PCDH15: variants seen among roughly 807,000 people sequenced by gnomAD.
PCDH15 encodes the protein protocadherin related 15, also known as protocadherin-15.
Under a neutral mutation model 178.5 loss-of-function variants are expected in PCDH15, and 129 were observed. The observed-to-expected ratio is 0.72, with a 90% CI of 0.63 to 0.84. PCDH15 has a LOEUF of 0.84. PCDH15 is among the 40% of genes least tolerant of loss of function. The probability of loss-of-function intolerance (pLI) is 0.00; values close to 1 mark genes in which losing one functional copy is unlikely to be tolerated. For synonymous variants in PCDH15, 800 were observed against 732.0 expected (o/e 1.09, Z -1.50); for missense variants, 2,230 against 2,099.9 (o/e 1.06, Z -1.21).
chr10:54,542,927 A>G (rs2085418305), intron 2 of PCDH15, among the ~76,000 whole-genome samples: 1 of 152,136 alleles, frequency 6.6e-6, no homozygotes, highest in Non-Finnish European at 1.5e-5. Context: ...AGATACAAAT[A>G]CAGGTGGATG....
intron 2 of PCDH15, among the ~76,000 whole-genome samples, chr10:55,013,628 C>G (rs974954807): frequency 6.6e-6 from 1 of 152,008 alleles, no homozygotes; most frequent in African/African-American, 2.4e-5. Context: ...TAATGTGCTT[C>G]CTTATATACC....
At chr10:54,525,220 G>A (rs12218773) in intron 3 of PCDH15, among the ~76,000 whole-genome samples, 13,922 of 152,166 alleles carry the variant, frequency 0.091, 943 homozygotes, top group East Asian at 0.35. Context: ...AGATTATTTA[G>A]CAATAGACAT....
chr10:54,243,970 G>A (rs1016456118), intron 8 of PCDH15, among the ~76,000 whole-genome samples: 9 of 152,088 alleles, frequency 5.9e-5, no homozygotes, highest in African/African-American at 2.2e-4. Context: ...TTCCTCAAAT[G>A]GTTTTGACAA....
At chr10:55,452,773 C>T (rs973361089) in intron 2 of PCDH15, among the ~76,000 whole-genome samples, 7 of 151,978 alleles carry the variant, frequency 4.6e-5, no homozygotes, top group African/African-American at 1.7e-4. Context: ...CACAAAAAAA[C>T]TAGTGTTGTT....
chr10:54,939,545 A>G (rs1167657248), intron 2 of PCDH15, among the ~76,000 whole-genome samples: 1 of 146,506 alleles, frequency 6.8e-6, no homozygotes, highest in Non-Finnish European at 1.5e-5. Context: ...ATTTGTAGGC[A>G]TTTGGTAGTT....
intron 3 of PCDH15, among the ~76,000 whole-genome samples, chr10:54,402,288 A>G (rs1370501559): frequency 6.6e-6 from 1 of 152,006 alleles, no homozygotes; most frequent in Admixed American, 6.6e-5. Flanking sequence ...GCTGACGGGA[A>G]GAAGAAGGCA....
chr10:54,706,473 T>C (rs936153227), intron 1 of PCDH15, among the ~76,000 whole-genome samples: 10 of 152,178 alleles, frequency 6.6e-5, no homozygotes, highest in Middle Eastern at 3.2e-3. Context: ...TCCTAGTAGA[T>C]AAAATTCCTT....
chr10:55,026,891 C>G (rs978377735), intron 2 of PCDH15, among the ~76,000 whole-genome samples: 1 of 151,926 alleles, frequency 6.6e-6, no homozygotes, highest in Non-Finnish European at 1.5e-5. Flanking sequence ...TGACATCTTA[C>G]TACTGCACAT....
chr10:54,676,993 T>C (rs955432313), intron 1 of PCDH15, among the ~76,000 whole-genome samples: 3 of 152,266 alleles, frequency 2.0e-5, no homozygotes, highest in South Asian at 2.1e-4. Context: ...GTTTTAATAA[T>C]GATAAAGGTA....
At chr10:55,123,979 C>T (rs1591920621) in intron 2 of PCDH15, among the ~76,000 whole-genome samples, 2 of 152,216 alleles carry the variant, frequency 1.3e-5, no homozygotes, top group South Asian at 4.1e-4. Context: ...GAACTGGTAA[C>T]CATAGCAGTG....
intron 1 of PCDH15, among the ~76,000 whole-genome samples, chr10:54,788,060 AG>A (rs1196529630): frequency 6.6e-6 from 1 of 151,828 alleles, no homozygotes; most frequent in African/African-American, 2.4e-5. Context: ...AAAAATAGGA[AG>A]GGTGACCATC....
At chr10:55,397,831 C>T (rs1313119955) in intron 2 of PCDH15, among the ~76,000 whole-genome samples, 1 of 151,978 alleles carries the variant, frequency 6.6e-6, no homozygotes, top group South Asian at 2.1e-4. Flanking sequence ...CCTCATGATC[C>T]GCCCGCCTCG....
intron 21 of PCDH15, chr10:53,995,406 T>G: frequency 1.8e-6 from 1 of 563,560 alleles, no homozygotes; most frequent in South Asian, 2.1e-5. Context: ...TTAGATAAAT[T>G]AGTAATTAGT....
chr10:55,472,600 G>A (rs944968802), intron 2 of PCDH15, among the ~76,000 whole-genome samples: 9 of 151,770 alleles, frequency 5.9e-5, no homozygotes, highest in South Asian at 2.1e-4. Context: ...ACGGAGTCTC[G>A]CTCTGTCGCC....
chr10:53,967,795 C>A (rs548082125), intron 21 of PCDH15, among the ~76,000 whole-genome samples: 1 of 152,082 alleles, frequency 6.6e-6, no homozygotes, highest in African/African-American at 2.4e-5. Context: ...GTATATTCTA[C>A]CGTATCTCTC....
chr10:54,205,933 T>C (rs1396934450), intron 10 of PCDH15, among the ~76,000 whole-genome samples: 1 of 152,096 alleles, frequency 6.6e-6, no homozygotes, highest in Non-Finnish European at 1.5e-5. Flanking sequence ...ATATTCTTGG[T>C]TGGAAACAAA....
intron 1 of PCDH15, among the ~76,000 whole-genome samples, chr10:54,712,466 G>A (rs1193177049): frequency 2.0e-5 from 3 of 151,934 alleles, no homozygotes; most frequent in Non-Finnish European, 2.9e-5. Context: ...GTCATTTGAA[G>A]CAGGATTGTG....
chr10:53,915,709 G>A (rs551218346), intron 25 of PCDH15, among the ~76,000 whole-genome samples: 15 of 152,082 alleles, frequency 9.9e-5, no homozygotes, highest in Admixed American at 6.5e-4. Flanking sequence ...ATAGGTGCCC[G>A]CCACCATGCC....
intron 1 of PCDH15, among the ~76,000 whole-genome samples, chr10:55,234,137 C>T (rs1363576904): frequency 6.6e-6 from 1 of 152,018 alleles, no homozygotes; most frequent in Non-Finnish European, 1.5e-5. Flanking sequence ...CACATATACA[C>T]ACATCAAATT....
Sources: allele counts gnomAD v4.1 joint callset (sites outside exome capture counted in the v4.1 genomes callset), GRCh38; gene constraint gnomAD v4.1.1; transcripts MANE v1.5; gene names NCBI Gene and HGNC (gene_info 2026-07-23, HGNC 2026-07-21).